SLC22A12: variants seen among roughly 807,000 people sequenced by gnomAD.
The protein encoded by SLC22A12 is organic anion transporter 4-like protein.
A neutral mutation model predicts 52.7 loss-of-function variants in SLC22A12; 56 were observed. The ratio of observed to expected loss-of-function variants is 1.06; its 90% confidence interval spans 0.86 to 1.33. The LOEUF is 1.33. SLC22A12 is among the 40% of genes most tolerant of loss of function. The pLI is 0.00. For missense variants in SLC22A12, 683 were observed against 741.5 expected, an observed-to-expected ratio of 0.92 and a Z score of 0.92; for synonymous variants, 337 against 324.6, an observed-to-expected ratio of 1.04 and a Z score of -0.41.
At chr11:64,599,178 G>A (rs996881438) in intron 6 of SLC22A12, among the ~76,000 whole-genome samples, 15 of 152,190 alleles carry the variant, frequency 9.9e-5, no homozygotes, top group African/African-American at 3.6e-4. Flanking sequence ...GGGAGGGCTG[G>A]GAGCCAGGCA....
intron 8 of SLC22A12, 115 bp downstream of exon 8, chr11:64,600,590 G>T (rs1453878413): frequency 5.1e-6 from 7 of 1,383,866 alleles, no homozygotes; most frequent in Non-Finnish European, 6.9e-6. Flanking sequence ...TCTCCCTCTT[G>T]TGTGGTCCCC....
intron 1 of SLC22A12, 24 bp downstream of exon 1, chr11:64,591,982 C>T (rs776148953): frequency 3.7e-6 from 6 of 1,606,018 alleles, no homozygotes; most frequent in Middle Eastern, 1.6e-4. Context: ...CAGAGCCACT[C>T]GAGTCCCACC....
intron 9 of SLC22A12, 108 bp from the exon 10 acceptor site, chr11:64,601,380 C>T: frequency 1.7e-6 from 2 of 1,152,790 alleles, no homozygotes; most frequent in South Asian, 2.6e-5. Flanking sequence ...GTTCTGGGCC[C>T]CCGAGAGCAG....
At chr11:64,599,912 C>T (rs374083750) in intron 7 of SLC22A12, 22 bp downstream of exon 7, 49 of 1,607,312 alleles carry the variant, frequency 3.0e-5, no homozygotes, top group Non-Finnish European at 3.7e-5. Context: ...AAGCTGTACA[C>T]CAGAGACTTC....
chr11:64,600,858 G>C lies in SLC22A12; in HGVS notation c.1518G>C (p.Val506=), dbSNP rs1319184850. Residue 506 remains valine, a synonymous_variant, in exon 9 of 10, where the codon GTG becomes GTC. Transcript: ENST00000377574. ...LPLLVYGTVP[V]LSGLAALLLP... ...TGCTGGTGTATGGGACGGTGCCAGT[G>C]CTGAGTGGCCTGGCCGCACTGCTTC... The C allele has an allele frequency of 2.5e-6, 4 of 1,608,954 alleles. No individual in the cohort carries two copies. The highest frequency in any genetic ancestry group is 3.4e-6 in the Non-Finnish European group (4 of 1,179,988).
chr11:64,598,436 A>G, intron 4 of SLC22A12, 80 bp from the exon 5 acceptor site: 1 of 1,540,768 alleles, frequency 6.5e-7, no homozygotes, highest in Non-Finnish European at 8.8e-7. Context: ...CAGTGGGTAC[A>G]GGGTAGCAGT....
chr11:64,594,975 ATGG>A (rs2039063755), intron 4 of SLC22A12, among the ~76,000 whole-genome samples: 1 of 112,272 alleles, frequency 8.9e-6, no homozygotes, highest in Non-Finnish European at 1.7e-5. Context: ...GAATAGATGG[ATGG>A]ATGGATGGGT....
At chr11:64,594,598 T>C (rs1391073724) in intron 4 of SLC22A12, among the ~76,000 whole-genome samples, 6 of 152,176 alleles carry the variant, frequency 3.9e-5, no homozygotes, top group Non-Finnish European at 8.8e-5. Context: ...AGTTGGTGGA[T>C]AGATGGATTG....
chr11:64,591,456 G>A lies in SLC22A12; in HGVS notation c.-101G>A. 5 of 1,517,326 alleles carry A rather than the reference G, an allele frequency of 3.3e-6. No individual in the cohort carries two copies. The highest frequency in any genetic ancestry group is 4.5e-6 in the Non-Finnish European group (5 of 1,113,990). 94.0% of individuals were successfully genotyped at this position (1,517,326 alleles called of 1,614,324 possible). On this transcript the variant is annotated 5_prime_UTR_variant, in exon 1 of 10. Transcript: ENST00000377574. ...GCCGCTGGGCTGGAGAAGCCACTGT[G>A]GGCACCACCGTGGGGGAAACAGGCC... is the stretch of plus-strand genomic sequence containing the variant.
intron 6 of SLC22A12, 137 bp from the exon 7 acceptor site, chr11:64,599,539 G>A: frequency 1.5e-6 from 1 of 676,298 alleles, no homozygotes; most frequent in Non-Finnish European, 2.6e-6. Context: ...CCACAGAGCT[G>A]GCAGCTGAAG....
At chr11:64,599,591 G>GCCCCCCCC in intron 6 of SLC22A12, 85 bp from the exon 7 acceptor site, 92 of 617,106 alleles carry the variant, frequency 1.5e-4, no homozygotes, top group South Asian at 6.5e-4. Flanking sequence ...CCCACCCTGA[G>GCCCCCCCC]CCCCCACCGC....
In SLC22A12 at chr11:64,599,842, C is replaced by G; in HGVS notation, c.1237C>G (p.Leu413Val). ...CCGCCGCCCCACGCTGGCCGCATCCCTGTTGCTGGCAGGGCTCTGCATTCT... is the reference window on the plus strand; with the variant it reads ...CCGCCGCCCCACGCTGGCCGCATCCGTGTTGCTGGCAGGGCTCTGCATTCT... ...LGRRPTLAASLLLAGLCILAN... is the reference protein window; with the variant it reads ...LGRRPTLAASVLLAGLCILAN... Residue 413 changes from leucine to valine, a missense_variant, in exon 7 of 10, where the codon CTG (leucine) becomes GTG (valine). Physicochemically the swap from Leu to Val is conservative, Grantham distance 32. Coordinates refer to ENST00000377574, the MANE Select transcript of SLC22A12 (RefSeq NM_144585.4). 1 of 1,612,866 alleles carries G rather than the reference C, an allele frequency of 6.2e-7. No homozygotes were observed. Among genetic ancestry groups the G allele is most frequent in the Admixed American group, 1.7e-5 (1 of 60,004 alleles).
At chr11:64,594,832 G>A (rs1439129794) in intron 4 of SLC22A12, among the ~76,000 whole-genome samples, 6 of 149,946 alleles carry the variant, frequency 4.0e-5, no homozygotes, top group African/African-American at 1.2e-4. Context: ...GTGGATGGAC[G>A]GACGGATGGA....
In SLC22A12 at chr11:64,591,838, A is replaced by G; in HGVS notation, c.282A>G (p.Pro94=). The G allele has an allele frequency of 6.2e-7, 1 of 1,612,524 alleles. No homozygotes were observed. The highest frequency in any genetic ancestry group is 8.5e-7 in the Non-Finnish European group (1 of 1,180,002). ...RPHQCRRFRQ[P]QWQLLDPNAT... ...ACCAGTGCCGCCGCTTCCGCCAGCC[A>G]CAGTGGCAGCTCTTGGACCCCAATG... is the stretch of plus-strand genomic sequence containing the variant. Residue 94 remains proline (P), a synonymous_variant, in exon 1 of 10, where the codon CCA becomes CCG. Coordinates refer to ENST00000377574, the MANE Select transcript of SLC22A12 (RefSeq NM_144585.4).
chr11:64,592,161 C>T (rs998694489), intron 1 of SLC22A12, among the ~76,000 whole-genome samples: 15 of 152,150 alleles, frequency 9.9e-5, no homozygotes, highest in Admixed American at 2.6e-4. Flanking sequence ...AGCCCAGGCT[C>T]TTGGAGGTGC....
intron 4 of SLC22A12, among the ~76,000 whole-genome samples, chr11:64,594,540 A>G (rs2039027659): frequency 6.6e-6 from 1 of 152,272 alleles, no homozygotes; most frequent in African/African-American, 2.4e-5. Flanking sequence ...ATAGAGACAG[A>G]TAAATAAATG....
intron 6 of SLC22A12, 85 bp from the exon 7 acceptor site, chr11:64,599,591 G>GCCCCCCC: frequency 1.9e-4 from 116 of 617,046 alleles, no homozygotes; most frequent in South Asian, 1.0e-3. Flanking sequence ...CCCACCCTGA[G>GCCCCCCC]CCCCCACCGC....
intron 4 of SLC22A12, among the ~76,000 whole-genome samples, chr11:64,595,018 GATGGTTGGA>G: frequency 1.2e-5 from 1 of 85,814 alleles, no homozygotes; most frequent in Non-Finnish European, 3.1e-5. Flanking sequence ...TGGATGGATG[GATGGTTGGA>G]ATAGATGGAT....
chr11:64,595,326 GAT>G, intron 4 of SLC22A12, among the ~76,000 whole-genome samples: 1 of 127,122 alleles, frequency 7.9e-6, no homozygotes, highest in Admixed American at 7.7e-5. Context: ...TGGATGGATG[GAT>G]GGATGGTTGA....
Sources: gnomAD v4.1 joint callset for allele counts (sites outside exome capture counted in the v4.1 genomes callset) on GRCh38, gnomAD v4.1.1 for gene constraint, MANE v1.5 for transcripts, NCBI Gene and HGNC (gene_info 2026-07-23, HGNC 2026-07-21) for gene names.